The following COL6A5 variants were observed in gnomAD, a reference collection of about 807,000 sequenced individuals.
COL6A5 encodes the protein collagen type VI alpha 5 chain, also known as collagen alpha-5(VI) chain.
A neutral mutation model predicts 65.6 loss-of-function variants in COL6A5; 48 were observed. That is an observed-to-expected ratio of 0.73 (90% CI 0.58 to 0.93). COL6A5 has a LOEUF of 0.93. COL6A5 is among the 40% of genes least tolerant of loss of function. The pLI is 0.00. For synonymous variants in COL6A5, 291 were observed against 322.8 expected, an observed-to-expected ratio of 0.90 and a Z score of 1.05; for missense variants, 914 against 928.3, an observed-to-expected ratio of 0.98 and a Z score of 0.20.
At chr3:130,410,862 C>T (rs1937152883) in intron 20 of COL6A5, among the ~76,000 whole-genome samples, 1 of 152,054 alleles carries the variant, frequency 6.6e-6, no homozygotes, top group African/African-American at 2.4e-5. Context: ...GCAAAATCAC[C>T]CCTGGTTGAA....
intron 4 of COL6A5, 114 bp from the exon 5 acceptor site, chr3:130,384,690 C>A: frequency 1.2e-6 from 1 of 824,112 alleles, no homozygotes; most frequent in Non-Finnish European, 1.9e-6. Context: ...AGGCTCTACG[C>A]AAAAACGAAG....
chr3:130,484,021 GT>G lies in COL6A5; in HGVS notation c.2329-12del. The stretch of plus-strand genomic sequence containing the variant: ...AATGACATTAAAAGCAGTGAATATT[GT>G]TATATTTTGCAGATGGTGAAGATAC... On this transcript the variant is annotated splice_polypyrimidine_tract_variant and intron_variant, in intron 7 of 7. Coordinates refer to ENST00000512836, the Ensembl canonical transcript of COL6A5. 6.2e-7 allele frequency: 1 copy of G among 1,606,284 alleles called. No homozygotes were observed. The highest frequency in any genetic ancestry group is 1.1e-5 in the South Asian group (1 of 89,350).
At chr3:130,410,196 T>G (rs977042356) in intron 19 of COL6A5, 122 bp downstream of exon 19, 13 of 749,802 alleles carry the variant, frequency 1.7e-5, no homozygotes, top group Non-Finnish European at 2.6e-5. Context: ...GAAAAGACCT[T>G]TATTTTTTGA....
At chr3:130,404,174 G>A (rs769137981) in intron 13 of COL6A5, among the ~76,000 whole-genome samples, 10 of 152,220 alleles carry the variant, frequency 6.6e-5, no homozygotes, top group Non-Finnish European at 1.5e-4. Flanking sequence ...ATGGCTTCAC[G>A]GTCAAATGCT....
At chr3:130,436,415 C>T (rs1412109342) in intron 1 of COL6A5, among the ~76,000 whole-genome samples, 1 of 151,972 alleles carries the variant, frequency 6.6e-6, no homozygotes, top group African/African-American at 2.4e-5. Flanking sequence ...TCAGCTACTC[C>T]TTCATTTCTT....
intron 23 of COL6A5, 36 bp from the exon 24 acceptor site, chr3:130,416,721 C>A: frequency 1.7e-6 from 2 of 1,205,794 alleles, no homozygotes; most frequent in Non-Finnish European, 2.4e-6. Flanking sequence ...AGAATTACTA[C>A]GGTGCCAACA....
intron 8 of COL6A5, 28 bp downstream of exon 8, chr3:130,395,493 C>A: frequency 6.7e-7 from 1 of 1,483,788 alleles, no homozygotes. Context: ...GGTTTTCTTC[C>A]ATGGAAACTT....
At chr3:130,464,294 C>T (rs1709766170) in intron 5 of COL6A5, among the ~76,000 whole-genome samples, 1 of 151,870 alleles carries the variant, frequency 6.6e-6, no homozygotes, top group African/African-American at 2.4e-5. Flanking sequence ...CCACTACACC[C>T]AGCTAATTTT....
chr3:130,465,343 G>C (rs559900112), intron 5 of COL6A5, among the ~76,000 whole-genome samples: 1 of 152,160 alleles, frequency 6.6e-6, no homozygotes, highest in East Asian at 1.9e-4. Context: ...AGTATTGACA[G>C]CACATGCATG....
chr3:130,398,125 G>GTTTTTT lies in COL6A5; in HGVS notation c.3991+16_3991+17insTTTTTT, dbSNP rs747107091. ...TCAGAGAAGCAGGTATTGAGTTGTT[G>GTTTTTT]TTGTTTTTTTTTTTTTTTTTTTTGA... On this transcript the variant is annotated intron_variant and NMD_transcript_variant, in intron 10 of 41. Transcript: ENST00000312481. The GTTTTTT allele has an allele frequency of 3.7e-5, 39 of 1,064,866 alleles. No homozygotes were observed. The highest frequency in any genetic ancestry group is 1.7e-4 in the African/African-American group (9 of 52,822). The allele number at this position is 1,064,866 out of a possible 1,614,324, so 66.0% of individuals were successfully genotyped here.
intron 5 of COL6A5, among the ~76,000 whole-genome samples, chr3:130,388,364 A>G (rs1231572165): frequency 6.6e-6 from 1 of 152,060 alleles, no homozygotes; most frequent in Non-Finnish European, 1.5e-5. Context: ...GCATGCATGC[A>G]TGAATAAATA....
At chr3:130,483,941 T>C in intron 7 of COL6A5, 94 bp from the exon 41 acceptor site, 1 of 1,069,178 alleles carries the variant, frequency 9.4e-7, no homozygotes, top group Non-Finnish European at 1.4e-6. Context: ...ATTGTGTTTG[T>C]TTTATATGTG....
chr3:130,433,014 A>T (rs1937885472), intron 1 of COL6A5, among the ~76,000 whole-genome samples: 1 of 152,162 alleles, frequency 6.6e-6, no homozygotes, highest in African/African-American at 2.4e-5. Context: ...AAGAGATTAT[A>T]AAGGTCTATT....
intron 21 of COL6A5, among the ~76,000 whole-genome samples, chr3:130,413,827 T>C (rs1239797615): frequency 6.6e-6 from 1 of 150,502 alleles, no homozygotes. Context: ...ATATTGTGCA[T>C]TTGACTGCTC....
At chr3:130,463,655 T>A (rs931482203) in intron 5 of COL6A5, among the ~76,000 whole-genome samples, 1 of 152,104 alleles carries the variant, frequency 6.6e-6, no homozygotes, top group African/African-American at 2.4e-5. Context: ...AAGGAAATTC[T>A]TTCACAGAGT....
At chr3:130,382,621 A>G (rs1329901665) in intron 4 of COL6A5, among the ~76,000 whole-genome samples, 3 of 152,064 alleles carry the variant, frequency 2.0e-5, no homozygotes, top group African/African-American at 7.2e-5. Context: ...AACATTTAAG[A>G]CCTACTACCT....
At chr3:130,448,912 G>C (rs1709364288) in intron 4 of COL6A5, among the ~76,000 whole-genome samples, 1 of 152,136 alleles carries the variant, frequency 6.6e-6, no homozygotes, top group Non-Finnish European at 1.5e-5. Flanking sequence ...ACTATGAGAG[G>C]CCAATTTTTA....
chr3:130,389,766 G>A (rs1353281813), intron 6 of COL6A5, among the ~76,000 whole-genome samples: 1 of 151,902 alleles, frequency 6.6e-6, no homozygotes, highest in Non-Finnish European at 1.5e-5. Context: ...AAATTGTATT[G>A]TGCAACCTTC....
intron 3 of COL6A5, 103 bp from the exon 36 acceptor site, chr3:130,443,373 A>G (rs1709231321): frequency 1.2e-6 from 1 of 820,600 alleles, no homozygotes; most frequent in Admixed American, 2.5e-5. Flanking sequence ...GAAATATGTT[A>G]GTGACATTAG....
Sources: gnomAD v4.1 joint callset for allele counts (sites outside exome capture counted in the v4.1 genomes callset) on GRCh38, gnomAD v4.1.1 for gene constraint, MANE v1.5 for transcripts, NCBI Gene and HGNC (gene_info 2026-07-23, HGNC 2026-07-21) for gene names.